Variants in GRIP1 observed in about 807,000 individuals in gnomAD.
The protein encoded by GRIP1 is glutamate receptor interacting protein 1, also known as glutamate receptor-interacting protein 1.
A neutral mutation model predicts 129.9 loss-of-function variants in GRIP1; 45 were observed. The observed-to-expected ratio is 0.35, with a 90% CI of 0.27 to 0.44. GRIP1 has a LOEUF of 0.44. Ranked by LOEUF, GRIP1 falls within the 20% of genes least tolerant of loss-of-function variation. The probability of loss-of-function intolerance (pLI) is 1.00; values close to 1 mark genes in which losing one functional copy is unlikely to be tolerated. For synonymous variants in GRIP1, 530 were observed against 520.8 expected, an observed-to-expected ratio of 1.02 and a Z score of -0.24; for missense variants, 1,196 against 1,396.8, an observed-to-expected ratio of 0.86 and a Z score of 2.29.
chr12:66,724,402 G>A (rs573096030), intron 1 of GRIP1, among the ~76,000 whole-genome samples: 1 of 152,202 alleles, frequency 6.6e-6, no homozygotes, highest in South Asian at 2.1e-4. Flanking sequence ...CATGCTGCAT[G>A]TTTTGGCTAA....
At chr12:66,605,068 T>TATAC (rs778255054) in intron 1 of GRIP1, among the ~76,000 whole-genome samples, 221 of 147,290 alleles carry the variant, frequency 1.5e-3, no homozygotes, top group African/African-American at 3.2e-3. Context: ...TATATATACA[T>TATAC]ATATATATAT....
At chr12:66,362,907 C>G (rs2054862778) in intron 23 of GRIP1, among the ~76,000 whole-genome samples, 1 of 151,636 alleles carries the variant, frequency 6.6e-6, no homozygotes, top group Admixed American at 6.6e-5. Context: ...TGGATGGCAA[C>G]TTGTAGAAAA....
chr12:66,542,017 C>A (rs759434621), intron 2 of GRIP1, 67 bp from the exon 3 acceptor site: 1 of 1,436,052 alleles, frequency 7.0e-7, no homozygotes, highest in East Asian at 2.3e-5. Context: ...TTCTCCTCCC[C>A]AGAAGTTCTT....
At chr12:66,732,441 T>C (rs2036467853) in intron 1 of GRIP1, among the ~76,000 whole-genome samples, 1 of 151,988 alleles carries the variant, frequency 6.6e-6, no homozygotes, top group African/African-American at 2.4e-5. Context: ...TAGTCCCAGT[T>C]ACTTGGGAGG....
chr12:66,458,130 C>T (rs1421653263), intron 9 of GRIP1, among the ~76,000 whole-genome samples: 2 of 152,184 alleles, frequency 1.3e-5, no homozygotes, highest in East Asian at 3.8e-4. Context: ...GCAGCAGAAA[C>T]TTTCATAGCC....
chr12:66,662,597 G>A (rs2033575960), intron 1 of GRIP1, among the ~76,000 whole-genome samples: 1 of 152,054 alleles, frequency 6.6e-6, no homozygotes, highest in South Asian at 2.1e-4. Context: ...TCCATATTTT[G>A]TGGTATACAA....
chr12:66,700,777 A>G (rs2035325125), intron 1 of GRIP1, among the ~76,000 whole-genome samples: 1 of 152,178 alleles, frequency 6.6e-6, no homozygotes, highest in Non-Finnish European at 1.5e-5. Context: ...GGGAGCAACA[A>G]GACAGGAGGG....
intron 1 of GRIP1, among the ~76,000 whole-genome samples, chr12:66,848,736 C>T (rs2039861208): frequency 6.6e-6 from 1 of 152,016 alleles, no homozygotes; most frequent in Non-Finnish European, 1.5e-5. Flanking sequence ...ACTTTTTTCC[C>T]TAGGTTCAAA....
intron 1 of GRIP1, among the ~76,000 whole-genome samples, chr12:66,879,907 A>G (rs1263472499): frequency 7.2e-5 from 11 of 152,124 alleles, no homozygotes; most frequent in Admixed American, 7.2e-4. Flanking sequence ...GGCATGTCTA[A>G]GGTCCAGATG....
chr12:66,839,249 A>T (rs1428720678), intron 1 of GRIP1, among the ~76,000 whole-genome samples: 1 of 152,178 alleles, frequency 6.6e-6, no homozygotes, highest in Non-Finnish European at 1.5e-5. Flanking sequence ...GAAATAATTT[A>T]GCAAGCAAAA....
intron 1 of GRIP1, among the ~76,000 whole-genome samples, chr12:66,721,678 T>C (rs1419909578): frequency 6.6e-6 from 1 of 152,250 alleles, no homozygotes; most frequent in Non-Finnish European, 1.5e-5. Context: ...AAGCCAGTCA[T>C]TGACTTCTCT....
At position 66,439,633 on chromosome 12, in the gene GRIP1, T is replaced by C. The variant is rs372293610; in HGVS notation, c.1687+4951A>G. 1.0e-3 allele frequency among the ~76,000 whole-genome samples: 158 copies of C among 152,334 alleles called. 1 individual carries two copies. Among genetic ancestry groups the C allele is most frequent in the Admixed American group, 2.7e-3 (42 of 15,304 alleles). On this transcript the variant is annotated intron_variant, in intron 13 of 24. Coordinates refer to ENST00000359742, the MANE Select transcript of GRIP1 (RefSeq NM_001366722.1). Reference sequence around the variant, plus strand: ...CAATTTTCTGAGGACATAATCATAGTAATCTCTTCCATTGCTGTTATAAGA... The same window carrying C: ...CAATTTTCTGAGGACATAATCATAGCAATCTCTTCCATTGCTGTTATAAGA...
At chr12:66,853,509 C>T (rs1019941124) in intron 1 of GRIP1, among the ~76,000 whole-genome samples, 4 of 152,030 alleles carry the variant, frequency 2.6e-5, no homozygotes, top group African/African-American at 9.7e-5. Flanking sequence ...CAACTCTGCT[C>T]TTAAGTAATA....
rs1565751885 is a variant in GRIP1, at chr12:66,451,383, G to GGTTTTTTT, written c.1354+4025_1354+4026insAAAAAAAC. ...CCCCAAAGATTTATTATTATAATCT[G>GGTTTTTTT]TTTTTTTTTTTTTTTTTTTTTTTTT... On this transcript the variant is annotated intron_variant, in intron 11 of 24. Coordinates refer to ENST00000359742, the MANE Select transcript of GRIP1 (RefSeq NM_001366722.1). Among the ~76,000 whole-genome samples the GGTTTTTTT allele has an allele frequency of 7.0e-5, 3 of 42,650 alleles. 1 individual carries two copies. The highest frequency in any genetic ancestry group is 8.4e-5 in the Non-Finnish European group (2 of 23,900). The allele number at this position is 42,650 out of a possible 152,430, so 28.0% of individuals were successfully genotyped here. A position where few individuals can be genotyped will look rare whatever the true frequency, so the allele number is the denominator to read the frequency against.
chr12:66,504,458 C>T (rs1369593369), intron 7 of GRIP1, among the ~76,000 whole-genome samples: 1 of 152,124 alleles, frequency 6.6e-6, no homozygotes, highest in Non-Finnish European at 1.5e-5. Flanking sequence ...TTGAATCTCA[C>T]TTGGGTCTCT....
At chr12:67,024,259 C>G (rs1378097230) in intron 1 of GRIP1, among the ~76,000 whole-genome samples, 1 of 152,112 alleles carries the variant, frequency 6.6e-6, no homozygotes. Flanking sequence ...ACTGCAGATT[C>G]GTGTGTATTT....
intron 7 of GRIP1, among the ~76,000 whole-genome samples, chr12:66,475,731 G>T (rs1436917733): frequency 6.6e-6 from 1 of 152,118 alleles, no homozygotes; most frequent in Non-Finnish European, 1.5e-5. Context: ...AATGACTACT[G>T]GGTACATAAT....
At chr12:66,571,724 A>G (rs1201588409) in intron 2 of GRIP1, among the ~76,000 whole-genome samples, 1 of 152,228 alleles carries the variant, frequency 6.6e-6, no homozygotes, top group Non-Finnish European at 1.5e-5. Context: ...GTGCAGAAGC[A>G]ATTAACACCT....
At position 66,762,821 on chromosome 12, in the gene GRIP1, C is replaced by A. The variant is rs373648255; in HGVS notation, c.-420+41232G>T. 8.5e-5 allele frequency among the ~76,000 whole-genome samples: 13 copies of A among 152,278 alleles called. No individual in the cohort carries two copies. In the East Asian group the frequency reaches 1.9e-3, roughly 23 times the overall value. On this transcript the variant is annotated intron_variant, in intron 1 of 4. Coordinates refer to the GRIP1 transcript ENST00000538373. ...GAGCATATACAATGTGCAGTGGTTACGCAGATTGATTCTGCCCTGGGGATT... is the reference window on the plus strand; with the variant it reads ...GAGCATATACAATGTGCAGTGGTTAAGCAGATTGATTCTGCCCTGGGGATT...
Sources: allele counts gnomAD v4.1 joint callset (sites outside exome capture counted in the v4.1 genomes callset), GRCh38; gene constraint gnomAD v4.1.1; transcripts MANE v1.5; gene names NCBI Gene and HGNC (gene_info 2026-07-23, HGNC 2026-07-21).